The following PDILT variants were observed in gnomAD, a reference collection of about 807,000 sequenced individuals.
PDILT encodes the protein protein disulfide isomerase like, testis expressed.
Under a neutral mutation model 53.7 loss-of-function variants are expected in PDILT, and 43 were observed. The ratio of observed to expected loss-of-function variants is 0.80; its 90% CI spans 0.63 to 1.03. PDILT has a LOEUF of 1.03. PDILT is among the 50% of genes least tolerant of loss of function. The probability of loss-of-function intolerance (pLI) is 0.00; values close to 1 mark genes in which losing one functional copy is unlikely to be tolerated. For missense variants in PDILT, 727 were observed against 712.3 expected, an observed-to-expected ratio of 1.02 and a Z score of -0.24; for synonymous variants, 282 against 274.2, an observed-to-expected ratio of 1.03 and a Z score of -0.28.
At chr16:20,375,908 A>G (rs984135112) in intron 4 of PDILT, among the ~76,000 whole-genome samples, 160 bp downstream of exon 4, 1 of 152,178 alleles carries the variant, frequency 6.6e-6, no homozygotes, top group Non-Finnish European at 1.5e-5. Context: ...TTTTCTTTCC[A>G]TTCCTGTTCA....
At chr16:20,383,872 G>C (rs1424439287) in intron 3 of PDILT, among the ~76,000 whole-genome samples, 1 of 152,002 alleles carries the variant, frequency 6.6e-6, no homozygotes, top group Non-Finnish European at 1.5e-5. Context: ...TCTAAAAGTT[G>C]GGACTACCAT....
intron 7 of PDILT, among the ~76,000 whole-genome samples, chr16:20,371,374 G>A (rs1966303986): frequency 1.3e-5 from 2 of 152,176 alleles, no homozygotes; most frequent in East Asian, 3.9e-4. Flanking sequence ...GCCACCTAGG[G>A]TCAGATACTT....
chr16:20,367,027 CTTTCTTTCTTTCTTTCTTTCTTTCTTT>C (rs1966210946), intron 8 of PDILT, among the ~76,000 whole-genome samples: 1 of 6,208 alleles, frequency 1.6e-4, no homozygotes, highest in African/African-American at 4.4e-4. Flanking sequence ...TCTCTTTCTT[CTTTCTTTCTTTCTTTCTTTCTTTCTTT>C]CTTTCTTTCT....
Position 20,359,555 on chromosome 16 carries a change from C to T in PDILT, c.1519G>A (p.Glu507Lys). 1 of 1,613,754 alleles carries T rather than the reference C, an allele frequency of 6.2e-7. No individual in the cohort carries two copies. The highest frequency in any genetic ancestry group is 8.5e-7 in the Non-Finnish European group (1 of 1,179,840). Residue 507 changes from glutamate (E) to lysine (K), a missense_variant, in exon 12 of 12, where the codon GAG becomes AAG. Physicochemically the swap from Glu to Lys is moderately conservative, Grantham distance 56 (BLOSUM62 1). Transcript: ENST00000302451. The part of the protein sequence containing the change: ...IEDEDELLSV[E>K]QNEVIEEEVL... ...TCCTCTTCTATCACTTCATTTTGCT[C>T]AACAGACAACAGCTATGAAAGCAAA...
At chr16:20,403,436 C>T (rs901460010) in intron 1 of PDILT, among the ~76,000 whole-genome samples, 69 of 152,216 alleles carry the variant, frequency 4.5e-4, no homozygotes, top group Admixed American at 1.9e-3. Context: ...ACTACAGGCA[C>T]CCGCCACCAT....
At chr16:20,400,927 T>G (rs1279757490) in intron 1 of PDILT, among the ~76,000 whole-genome samples, 1 of 152,240 alleles carries the variant, frequency 6.6e-6, no homozygotes, top group African/African-American at 2.4e-5. Context: ...ATTACCCTGA[T>G]GGCCTCATAA....
At chr16:20,376,325 CA>C in intron 3 of PDILT, 124 bp from the exon 4 acceptor site, 3 of 1,127,182 alleles carry the variant, frequency 2.7e-6, no homozygotes, top group South Asian at 3.3e-5. Flanking sequence ...CCTTGAAGGC[CA>C]AAGTCAGTTC....
At chr16:20,360,822 A>G (rs1255942504) in intron 10 of PDILT, among the ~76,000 whole-genome samples, 165 bp from the exon 11 acceptor site, 2 of 152,200 alleles carry the variant, frequency 1.3e-5, no homozygotes, top group African/African-American at 4.8e-5. Flanking sequence ...CAAGGGAAGG[A>G]TAATAAAAAT....
chr16:20,382,134 A>G (rs917848576), intron 3 of PDILT, among the ~76,000 whole-genome samples: 3 of 152,182 alleles, frequency 2.0e-5, no homozygotes, highest in Admixed American at 6.5e-5. Context: ...TCTGGGCACA[A>G]GTGATCTTCC....
At chr16:20,361,427 A>G (rs577647331) in intron 10 of PDILT, among the ~76,000 whole-genome samples, 2 of 152,154 alleles carry the variant, frequency 1.3e-5, no homozygotes, top group East Asian at 3.9e-4. Context: ...TCGTGATCCA[A>G]CTGCCTCAGG....
chr16:20,359,537 CTA>C lies in PDILT; in HGVS notation c.1535_1536del (p.Ile512ArgfsTer7). On this transcript the variant is annotated frameshift_variant, in exon 12 of 12. Coordinates refer to ENST00000302451, the MANE Select transcript of PDILT (RefSeq NM_174924.2). LOFTEE classifies it low-confidence loss of function (END_TRUNC). Reference protein sequence around the residue: ...ELLSVEQNEVIEEEVLAEEKE... With the variant: ...ELLSVEQNEVXEEEVLAEEKE... The stretch of plus-strand genomic sequence containing the variant: ...TTTTCCTCAGCTAGCACTTCCTCTT[CTA>C]TCACTTCATTTTGCTCAACAGACAA... 1.2e-6 allele frequency: 2 copies of C among 1,614,090 alleles called. No homozygotes were observed. Among genetic ancestry groups the C allele is most frequent in the Non-Finnish European group, 1.7e-6 (2 of 1,179,996 alleles).
chr16:20,389,597 A>G (rs894465213), intron 2 of PDILT, among the ~76,000 whole-genome samples: 1 of 152,244 alleles, frequency 6.6e-6, no homozygotes, highest in South Asian at 2.1e-4. Flanking sequence ...GAGCTCTCAC[A>G]TGGGTTTCAG....
rs890679491 is a variant in PDILT, at chr16:20,362,274, G to A, written c.1416+130C>T. Reference sequence around the variant, plus strand: ...ATAATCTTTGAACTTGAATGTGAGAGGATGGATAGTGGCTACAGCTGAGAA... The same window carrying A: ...ATAATCTTTGAACTTGAATGTGAGAAGATGGATAGTGGCTACAGCTGAGAA... On this transcript the variant is annotated intron_variant, in intron 10 of 11. Transcript: ENST00000302451. 7.5e-6 allele frequency: 7 copies of A among 929,094 alleles called. 1 individual carries two copies. Among genetic ancestry groups the A allele is most frequent in the South Asian group, 3.5e-5 (2 of 57,698 alleles). 57.6% of individuals were successfully genotyped at this position (929,094 alleles called of 1,614,324 possible).
At chr16:20,366,173 C>T (rs1054259612) in intron 8 of PDILT, among the ~76,000 whole-genome samples, 46 of 151,978 alleles carry the variant, frequency 3.0e-4, no homozygotes, top group South Asian at 4.1e-4. Flanking sequence ...CCTATAAAAC[C>T]TTGATCACAC....
At chr16:20,383,080 G>A (rs1157317509) in intron 3 of PDILT, among the ~76,000 whole-genome samples, 2 of 152,194 alleles carry the variant, frequency 1.3e-5, no homozygotes, top group Non-Finnish European at 2.9e-5. Context: ...TTCCTGTATG[G>A]CAGACGAGGT....
At chr16:20,368,733 C>G (rs1966256522) in intron 8 of PDILT, among the ~76,000 whole-genome samples, 1 of 152,028 alleles carries the variant, frequency 6.6e-6, no homozygotes, top group Admixed American at 6.6e-5. Context: ...GTAGCTGAGA[C>G]TACAGATGCA....
At chr16:20,373,382 G>A (rs549177166) in intron 5 of PDILT, among the ~76,000 whole-genome samples, 18 of 152,258 alleles carry the variant, frequency 1.2e-4, no homozygotes, top group Non-Finnish European at 1.9e-4. Context: ...AACAGCCCCA[G>A]CCATTGTCAT....
intron 8 of PDILT, among the ~76,000 whole-genome samples, chr16:20,367,106 C>CTTT (rs1966224430): frequency 1.1e-4 from 6 of 53,786 alleles, no homozygotes; most frequent in East Asian, 1.2e-3. Context: ...TTTCTTTCTT[C>CTTT]CTTTCTTTCC....
intron 7 of PDILT, among the ~76,000 whole-genome samples, chr16:20,371,837 A>C (rs1260465729): frequency 1.3e-5 from 2 of 152,226 alleles, no homozygotes; most frequent in Non-Finnish European, 2.9e-5. Flanking sequence ...ATTGGAAAAA[A>C]AAAGACCCCC....
Sources: gnomAD v4.1 joint callset for allele counts (sites outside exome capture counted in the v4.1 genomes callset) on GRCh38, gnomAD v4.1.1 for gene constraint, MANE v1.5 for transcripts, NCBI Gene and HGNC (gene_info 2026-07-23, HGNC 2026-07-21) for gene names.